The following STK39 variants were observed in gnomAD, a reference collection of about 807,000 sequenced individuals.
The protein encoded by STK39 is serine/threonine kinase 39.
Under a neutral mutation model 77.8 loss-of-function variants are expected in STK39, and 20 were observed. The ratio of observed to expected loss-of-function variants is 0.26; its 90% confidence interval spans 0.18 to 0.37. The LOEUF is 0.37. STK39 is among the 10% of genes least tolerant of loss of function. The pLI is 1.00. For synonymous variants in STK39, 246 were observed against 234.1 expected (o/e 1.05, Z -0.47); for missense variants, 479 against 656.5 (o/e 0.73, Z 2.95).
At chr2:168,190,067 C>T (rs562380850) in intron 1 of STK39, among the ~76,000 whole-genome samples, 1 of 152,340 alleles carries the variant, frequency 6.6e-6, no homozygotes, top group Admixed American at 6.5e-5. Context: ...GGCAGGGACT[C>T]TCTACCTACT....
In STK39 at chr2:168,247,545, C is replaced by CCGCCGCCGT; in HGVS notation, c.-111_-110insACGGCGGCG. On this transcript the variant is annotated 5_prime_UTR_variant, in exon 1 of 18. Transcript: ENST00000355999. ...CTCGGCCGGCGCACGCCCTCCCCGC[C>CCGCCGCCGT]CGCCGCCGCCGCCGCCGTCCCCGCC... 1 of 471,046 alleles carries CCGCCGCCGT rather than the reference C, an allele frequency of 2.1e-6. No individual in the cohort carries two copies. The allele number at this position is 471,046 out of a possible 1,614,324, so 29.2% of individuals were successfully genotyped here. A position where few individuals can be genotyped will look rare whatever the true frequency, so the allele number is the denominator to read the frequency against.
chr2:168,063,545 T>C lies in STK39; in HGVS notation c.1331A>G (p.Tyr444Cys). Residue 444 changes from tyrosine (Y) to cysteine (C), a missense_variant, in exon 14 of 18, where the codon TAC (tyrosine) becomes TGC (cysteine). Tyr to Cys is a radical substitution (Grantham distance 194, BLOSUM62 -2). Around this residue, in one of 3 missense-constraint regions of STK39, gnomAD observed 244 missense variants for 296.8 expected, o/e 0.82. Coordinates refer to ENST00000355999, the MANE Select transcript of STK39 (RefSeq NM_013233.3). ...CACGGCACAAGAAGAAGCTTCTCTGTAGTCTTCATTAGCATTGGGTGGGCC... is the reference window on the plus strand; with the variant it reads ...CACGGCACAAGAAGAAGCTTCTCTGCAGTCTTCATTAGCATTGGGTGGGCC... ...SQGPPNANED[Y>C]REASSCAVNL... 2 of 1,613,200 alleles carry C rather than the reference T, an allele frequency of 1.2e-6. No homozygotes were observed. The highest frequency in any genetic ancestry group is 2.2e-5 in the South Asian group (2 of 90,956).
chr2:168,012,316 G>A (rs969807754), intron 16 of STK39, among the ~76,000 whole-genome samples: 4 of 151,942 alleles, frequency 2.6e-5, no homozygotes, highest in Non-Finnish European at 5.9e-5. Context: ...GAGATTACGG[G>A]CGTACACCAC....
At chr2:168,006,147 A>C (rs1684127904) in intron 16 of STK39, among the ~76,000 whole-genome samples, 1 of 152,228 alleles carries the variant, frequency 6.6e-6, no homozygotes, top group Non-Finnish European at 1.5e-5. Context: ...AAGGGCAGTC[A>C]GTGGGCACAT....
At chr2:168,115,832 G>C (rs1327334858) in intron 10 of STK39, among the ~76,000 whole-genome samples, 1 of 152,210 alleles carries the variant, frequency 6.6e-6, no homozygotes, top group Admixed American at 6.5e-5. Context: ...CTATGGGCAA[G>C]TGGACAATAG....
chr2:168,113,689 C>T (rs1215064263), intron 10 of STK39, among the ~76,000 whole-genome samples: 1 of 152,212 alleles, frequency 6.6e-6, no homozygotes, highest in African/African-American at 2.4e-5. Flanking sequence ...GTCACTCGCA[C>T]CACTCTCACT....
chr2:168,229,701 C>G (rs935182988), intron 1 of STK39, among the ~76,000 whole-genome samples: 1 of 152,170 alleles, frequency 6.6e-6, no homozygotes, highest in African/African-American at 2.4e-5. Flanking sequence ...TGTGACAAAT[C>G]TAGCTCATGA....
chr2:168,188,434 G>A lies in STK39; in HGVS notation c.209-6344C>T, dbSNP rs182769292. On this transcript the variant is annotated intron_variant, in intron 1 of 17. Transcript: ENST00000355999. The stretch of plus-strand genomic sequence containing the variant: ...CATCTCCTAATACAATAAGGTTGAC[G>A]ATTAATTTTTTAATTATAAAAGCAT... Among the ~76,000 whole-genome samples, 87 of 152,324 alleles carry A rather than the reference G, an allele frequency of 5.7e-4. 1 individual carries two copies. The highest frequency in any genetic ancestry group is 1.8e-3 in the African/African-American group (74 of 41,568).
chr2:168,073,214 A>G (rs1685985728), intron 12 of STK39, among the ~76,000 whole-genome samples: 1 of 152,250 alleles, frequency 6.6e-6, no homozygotes, highest in Admixed American at 6.5e-5. Flanking sequence ...CCAAATAACA[A>G]ATCAGCTATC....
chr2:167,997,437 C>T (rs1683875759), intron 16 of STK39, among the ~76,000 whole-genome samples: 1 of 152,098 alleles, frequency 6.6e-6, no homozygotes, highest in African/African-American at 2.4e-5. Flanking sequence ...CTCCTGGAGG[C>T]CAGGCATCCT....
chr2:168,121,854 G>GT, intron 10 of STK39, among the ~76,000 whole-genome samples: 1 of 152,316 alleles, frequency 6.6e-6, no homozygotes, highest in Middle Eastern at 3.4e-3. Flanking sequence ...GCAACACAAT[G>GT]TAAGTATTGT....
At chr2:167,958,798 AC>A (rs769254211) in intron 17 of STK39, among the ~76,000 whole-genome samples, 84 of 152,334 alleles carry the variant, frequency 5.5e-4, no homozygotes, top group Non-Finnish European at 1.1e-3. Flanking sequence ...AAGTTTTCAT[AC>A]CCTGTTACCT....
intron 1 of STK39, among the ~76,000 whole-genome samples, chr2:168,198,697 G>A (rs1045324582): frequency 1.3e-5 from 2 of 152,164 alleles, no homozygotes; most frequent in African/African-American, 4.8e-5. Context: ...TTAGCACATC[G>A]CACTCACTGG....
At chr2:168,231,910 C>T (rs1374124671) in intron 1 of STK39, 1 of 235,658 alleles carries the variant, frequency 4.2e-6, no homozygotes. Context: ...GAGGAAGGGG[C>T]CACCCACCAA....
chr2:168,100,352 T>C (rs1686789005), intron 10 of STK39, among the ~76,000 whole-genome samples: 1 of 152,156 alleles, frequency 6.6e-6, no homozygotes, highest in Non-Finnish European at 1.5e-5. Flanking sequence ...TGGGTTCTAG[T>C]TTAGCCAAAG....
chr2:168,192,683 G>A (rs1689368072), intron 1 of STK39, among the ~76,000 whole-genome samples: 1 of 152,176 alleles, frequency 6.6e-6, no homozygotes, highest in African/African-American at 2.4e-5. Flanking sequence ...TACCTCACAG[G>A]AGGGCTGTAA....
chr2:168,070,552 C>T (rs1247593141), intron 12 of STK39, among the ~76,000 whole-genome samples: 4 of 150,504 alleles, frequency 2.7e-5, no homozygotes, highest in Non-Finnish European at 5.9e-5. Flanking sequence ...CCCATTAACT[C>T]GTCATTTACA....
intron 10 of STK39, among the ~76,000 whole-genome samples, chr2:168,096,116 A>C (rs555404664): frequency 4.6e-5 from 7 of 152,264 alleles, no homozygotes; most frequent in Non-Finnish European, 7.4e-5. Flanking sequence ...ACACACACAA[A>C]TATATGTTTT....
At chr2:168,141,666 G>A (rs756849228) in intron 5 of STK39, among the ~76,000 whole-genome samples, 1 of 152,166 alleles carries the variant, frequency 6.6e-6, no homozygotes, top group Admixed American at 6.5e-5. Context: ...ACTTGATAGC[G>A]AGCTGGTGGG....
Sources: gnomAD v4.1 joint callset for allele counts (sites outside exome capture counted in the v4.1 genomes callset) on GRCh38, gnomAD v4.1.1 for gene constraint, gnomAD v4.1.1 regional missense constraint, MANE v1.5 for transcripts, NCBI Gene and HGNC (gene_info 2026-07-23, HGNC 2026-07-21) for gene names.